Variants in RP1 observed in about 807,000 individuals in gnomAD.
RP1 encodes the protein oxygen-regulated protein 1.
RP1 carries 16 observed loss-of-function variants against 14.8 expected under a neutral mutation model. The ratio of observed to expected loss-of-function variants is 1.08; its 90% confidence interval spans 0.73 to 1.65. RP1 has a LOEUF of 1.65. Ranked by LOEUF, RP1 falls within the 40% of genes most tolerant of loss-of-function variation. The pLI is 0.00. For synonymous variants in RP1, 876 were observed against 883.6 expected (o/e 0.99, Z 0.15); for missense variants, 2,631 against 2,535.0 (o/e 1.04, Z -0.81).
intron 18 of RP1, chr8:54,734,749 ACAAC>A: frequency 6.6e-7 from 1 of 1,525,206 alleles, no homozygotes; most frequent in Non-Finnish European, 8.8e-7. Flanking sequence ...TTTCAGGTAA[ACAAC>A]ACTGGCAGTA....
intron 24 of RP1, among the ~76,000 whole-genome samples, chr8:54,784,742 C>T (rs544919799): frequency 1.3e-3 from 191 of 152,102 alleles, no homozygotes; most frequent in Non-Finnish European, 2.1e-3. Context: ...TTATCTATTT[C>T]TGCCATACAA....
In RP1 at chr8:54,629,670, G is replaced by A; in HGVS notation, c.5788G>A (p.Glu1930Lys). 1 of 1,613,540 alleles carries A rather than the reference G, an allele frequency of 6.2e-7. No individual in the cohort carries two copies. The highest frequency in any genetic ancestry group is 2.2e-5 in the East Asian group (1 of 44,878). ...AACTGTTATTATCCAACCCATGAAT[G>A]AGGAAGACCGAGGATTTGCATATCG... ...ILTVIIQPMN[E>K]EDRGFAYRKE... is the part of the protein sequence containing the mutation. The change falls in exon 4 of 4, where the codon GAG (glutamate) becomes AAG (lysine). Residue 1930 changes from glutamate (E) to lysine (K), a missense_variant. Transcript: ENST00000220676.
At chr8:54,795,441 G>C (rs1406722383) in intron 24 of RP1, among the ~76,000 whole-genome samples, 2 of 151,996 alleles carry the variant, frequency 1.3e-5, no homozygotes. Flanking sequence ...TTTTCAGAAG[G>C]GTTAAATTTC....
At chr8:54,834,577 T>C (rs1811612820) in intron 24 of RP1, among the ~76,000 whole-genome samples, 2 of 152,028 alleles carry the variant, frequency 1.3e-5, no homozygotes, top group Non-Finnish European at 2.9e-5. Context: ...AGTTTTATTT[T>C]CCAGTTCTTT....
At chr8:54,632,649 G>T (rs1050635652), downstream of RP1, among the ~76,000 whole-genome samples, 1 of 152,152 alleles carries the variant, frequency 6.6e-6, no homozygotes, top group Admixed American at 6.5e-5. Flanking sequence ...CTGAAGGATA[G>T]AACTCAGTTT....
chr8:54,581,423 G>A (rs2129296805), intron 1 of RP1, among the ~76,000 whole-genome samples: 1 of 152,286 alleles, frequency 6.6e-6, no homozygotes, highest in East Asian at 1.9e-4. Flanking sequence ...CATTTGGGTT[G>A]GTTCCAAGTC....
downstream of RP1, chr8:54,770,041 T>G (rs1809863755): frequency 2.9e-5 from 13 of 455,026 alleles, no homozygotes; most frequent in East Asian, 4.3e-4. Flanking sequence ...GTTAAAGAGT[T>G]AAACTCACGT....
chr8:54,602,674 T>C (rs1267183070), intron 1 of RP1, among the ~76,000 whole-genome samples: 1 of 152,208 alleles, frequency 6.6e-6, no homozygotes, highest in Non-Finnish European at 1.5e-5. Flanking sequence ...GTGTTCCTAT[T>C]TCTCCACATC....
At chr8:54,685,916 G>A (rs1807553569) in intron 12 of RP1, among the ~76,000 whole-genome samples, 1 of 152,188 alleles carries the variant, frequency 6.6e-6, no homozygotes. Context: ...CAGCCATGCA[G>A]AGAGGTCCTT....
intron 22 of RP1, among the ~76,000 whole-genome samples, chr8:54,760,989 C>T (rs1809624941): frequency 6.6e-6 from 1 of 152,162 alleles, no homozygotes; most frequent in Non-Finnish European, 1.5e-5. Flanking sequence ...CTGCTCCCAC[C>T]CACAGCACAC....
chr8:54,836,586 C>G (rs1811661487), intron 24 of RP1, among the ~76,000 whole-genome samples: 1 of 152,148 alleles, frequency 6.6e-6, no homozygotes, highest in Non-Finnish European at 1.5e-5. Context: ...ACAGGGAACT[C>G]AATCCTACAG....
At chr8:54,572,740 C>A (rs144203621) in intron 1 of RP1, among the ~76,000 whole-genome samples, 16 of 152,278 alleles carry the variant, frequency 1.1e-4, no homozygotes, top group African/African-American at 3.6e-4. Context: ...CTACTCCTTG[C>A]AAGAGATAAA....
intron 24 of RP1, among the ~76,000 whole-genome samples, chr8:54,802,707 G>C (rs563207284): frequency 2.0e-5 from 3 of 152,310 alleles, no homozygotes; most frequent in South Asian, 4.1e-4. Flanking sequence ...AGGGTACAGA[G>C]CTATGAAATG....
chr8:54,749,160 C>G (rs1340418132), intron 19 of RP1, among the ~76,000 whole-genome samples: 3 of 151,880 alleles, frequency 2.0e-5, no homozygotes, highest in Admixed American at 2.0e-4. Context: ...GAAACCCTGT[C>G]TCTACTAAAA....
chr8:54,850,312 C>T (rs1812031462), intron 25 of RP1, among the ~76,000 whole-genome samples: 1 of 152,180 alleles, frequency 6.6e-6, no homozygotes, highest in Admixed American at 6.5e-5. Context: ...AAAACATTGA[C>T]ATCTTGAAAT....
exon 29 of RP1, chr8:54,870,632 C>T (rs898853983): frequency 2.0e-5 from 3 of 152,126 alleles, no homozygotes; most frequent in African/African-American, 7.2e-5. Context: ...CTCATGAAGC[C>T]TCAAATACTT....
chr8:54,854,789 C>T lies in RP1; in HGVS notation c.3990+2061C>T, dbSNP rs549578687. Among the ~76,000 whole-genome samples the T allele has an allele frequency of 3.9e-5, 6 of 152,248 alleles. No homozygotes were observed. The East Asian group carries it at 7.7e-4, about 20-fold the overall frequency. ...CTGAGGCAGGAGAATCACCTGAACCCGGGAATTGGAGGTTGCATTGAGCCA... is the reference window on the plus strand; with the variant it reads ...CTGAGGCAGGAGAATCACCTGAACCTGGGAATTGGAGGTTGCATTGAGCCA... On this transcript the variant is annotated intron_variant, in intron 26 of 28. Coordinates refer to the RP1 transcript ENST00000637698.
intron 27 of RP1, among the ~76,000 whole-genome samples, chr8:54,860,491 A>G (rs956897071): frequency 6.6e-6 from 1 of 152,242 alleles, no homozygotes; most frequent in Non-Finnish European, 1.5e-5. Context: ...ACTTCAAAAC[A>G]TTTAGGAATT....
At chr8:54,829,010 A>C (rs1811457873) in intron 24 of RP1, among the ~76,000 whole-genome samples, 2 of 149,026 alleles carry the variant, frequency 1.3e-5, no homozygotes, top group Admixed American at 6.8e-5. Flanking sequence ...CTCCCGCCTC[A>C]GCCTGTTGAG....
Sources: gnomAD v4.1 joint callset for allele counts (sites outside exome capture counted in the v4.1 genomes callset) on GRCh38, gnomAD v4.1.1 for gene constraint, MANE v1.5 for transcripts, NCBI Gene and HGNC (gene_info 2026-07-23, HGNC 2026-07-21) for gene names.